Variants in GALK2 observed in about 807,000 individuals in gnomAD.
GALK2 encodes galactokinase 2.
A neutral mutation model predicts 52.4 loss-of-function variants in GALK2; 36 were observed. The observed-to-expected ratio is 0.69, with a 90% CI of 0.53 to 0.91. The LOEUF (loss-of-function observed/expected upper bound fraction) is 0.91. Ranked by LOEUF, GALK2 falls within the 40% of genes least tolerant of loss-of-function variation. The probability of loss-of-function intolerance (pLI) is 0.00; values close to 1 mark genes in which losing one functional copy is unlikely to be tolerated. For missense variants in GALK2, 579 were observed against 559.1 expected, an observed-to-expected ratio of 1.04 and a Z score of -0.36; for synonymous variants, 176 against 199.1, an observed-to-expected ratio of 0.88 and a Z score of 0.98.
chr15:49,345,944 G>A (rs2041415786), intron 3 of GALK2, among the ~76,000 whole-genome samples: 1 of 152,120 alleles, frequency 6.6e-6, no homozygotes, highest in Non-Finnish European at 1.5e-5. Context: ...TGGCCCAGGG[G>A]CAAATTTCGT....
At chr15:49,294,140 C>CAAATAAATAAATAAATAAAT (rs10677248) in intron 8 of GALK2, among the ~76,000 whole-genome samples, 19 of 139,864 alleles carry the variant, frequency 1.4e-4, no homozygotes, top group East Asian at 4.1e-4. Context: ...GACCCTGTCT[C>CAAATAAATAAATAAATAAAT]AAATAAATAA....
At chr15:49,348,790 ATATT>A (rs1313669223) in intron 3 of GALK2, among the ~76,000 whole-genome samples, 12 of 152,182 alleles carry the variant, frequency 7.9e-5, no homozygotes, top group African/African-American at 2.7e-4. Flanking sequence ...TTGACCAACA[ATATT>A]TATAGCAAGA....
At chr15:49,337,312 A>G (rs2039887632) in intron 3 of GALK2, among the ~76,000 whole-genome samples, 1 of 152,130 alleles carries the variant, frequency 6.6e-6, no homozygotes, top group African/African-American at 2.4e-5. Context: ...CCCACCAACA[A>G]TGTATAAGCT....
intron 5 of GALK2, among the ~76,000 whole-genome samples, chr15:49,269,962 A>G (rs1308012326): frequency 6.6e-6 from 1 of 152,210 alleles, no homozygotes; most frequent in African/African-American, 2.4e-5. Flanking sequence ...TAAGCCACAC[A>G]TCCACTGTTG....
At chr15:49,362,303 C>A (rs1299406659) in intron 3 of GALK2, among the ~76,000 whole-genome samples, 3 of 152,086 alleles carry the variant, frequency 2.0e-5, no homozygotes, top group Admixed American at 2.0e-4. Flanking sequence ...TATGGCACTT[C>A]CCCCTTCACT....
At chr15:49,305,290 A>G (rs2035455521) in intron 8 of GALK2, among the ~76,000 whole-genome samples, 1 of 152,220 alleles carries the variant, frequency 6.6e-6, no homozygotes, top group Non-Finnish European at 1.5e-5. Context: ...TAACAGTTTA[A>G]CCATATGAGA....
chr15:49,172,451 C>G (rs2085167496), intron 1 of GALK2, among the ~76,000 whole-genome samples: 1 of 152,160 alleles, frequency 6.6e-6, no homozygotes, highest in African/African-American at 2.4e-5. Flanking sequence ...GCCACTTACT[C>G]ATTCTAGGAG....
intron 8 of GALK2, among the ~76,000 whole-genome samples, chr15:49,301,953 A>T (rs764022165): frequency 1.3e-5 from 2 of 152,222 alleles, no homozygotes; most frequent in Non-Finnish European, 1.5e-5. Flanking sequence ...AACTTGTTAT[A>T]CACTTTATAG....
intron 3 of GALK2, among the ~76,000 whole-genome samples, chr15:49,234,939 G>C (rs2090716120): frequency 6.6e-6 from 1 of 152,014 alleles, no homozygotes; most frequent in South Asian, 2.1e-4. Context: ...GATAATTTTT[G>C]TGTTTTTAGT....
At chr15:49,339,816 C>G (rs2040396238) in intron 3 of GALK2, among the ~76,000 whole-genome samples, 1 of 152,146 alleles carries the variant, frequency 6.6e-6, no homozygotes, top group African/African-American at 2.4e-5. Flanking sequence ...TTCAGAGATG[C>G]CCTGCCCGTA....
At chr15:49,336,202 G>A (rs754850198), downstream of GALK2, among the ~76,000 whole-genome samples, 23 of 152,244 alleles carry the variant, frequency 1.5e-4, no homozygotes, top group Non-Finnish European at 3.2e-4. Context: ...CAGTTAGCCT[G>A]GCTTCTGCCA....
chr15:49,303,042 C>T (rs1285675280), intron 8 of GALK2, among the ~76,000 whole-genome samples: 14 of 151,964 alleles, frequency 9.2e-5, no homozygotes, highest in Admixed American at 7.2e-4. Context: ...TTTTCTTTCT[C>T]TCTCTGCCTG....
chr15:49,248,406 A>C (rs117750102), intron 5 of GALK2, among the ~76,000 whole-genome samples: 2,880 of 152,304 alleles, frequency 0.019, 47 homozygotes, highest in Middle Eastern at 0.031. Context: ...TTCCAGCCAG[A>C]TGTTGAGTGC....
At chr15:49,283,811 T>C (rs541701594) in intron 7 of GALK2, 93 bp downstream of exon 7, 1 of 1,313,544 alleles carries the variant, frequency 7.6e-7, no homozygotes, top group African/African-American at 1.5e-5. Context: ...TCCCCAAATT[T>C]TAGGGCAACA....
intron 5 of GALK2, among the ~76,000 whole-genome samples, chr15:49,265,928 C>T (rs928592805): frequency 6.6e-5 from 10 of 152,124 alleles, no homozygotes; most frequent in Non-Finnish European, 7.4e-5. Flanking sequence ...TCCTAAAATG[C>T]GAAGGAGGGT....
At chr15:49,234,926 C>T (rs1336798571) in intron 3 of GALK2, among the ~76,000 whole-genome samples, 2 of 152,228 alleles carry the variant, frequency 1.3e-5, no homozygotes, top group Admixed American at 1.3e-4. Context: ...ACCACCACAC[C>T]CAGATAATTT....
In GALK2 at chr15:49,170,378, G is replaced by C. The variant is rs773047978; in HGVS notation, c.53+3G>C. 14 of 1,588,232 alleles carry C rather than the reference G, an allele frequency of 8.8e-6. No homozygotes were observed. Among genetic ancestry groups the C allele is most frequent in the Middle Eastern group, 1.7e-4 (1 of 5,754 alleles). On this transcript the variant is annotated splice_donor_region_variant and intron_variant, in intron 1 of 9. Coordinates refer to ENST00000560031, the MANE Select transcript of GALK2 (RefSeq NM_002044.4). ...GTCCAGGTGGCAGAACATCCTAGGTGGGGGAGAGGAGACGCCGGGCTTTGG... is the reference window on the plus strand; with the variant it reads ...GTCCAGGTGGCAGAACATCCTAGGTCGGGGAGAGGAGACGCCGGGCTTTGG...
rs553202776 is a variant in GALK2, at chr15:49,170,480, G to C, written c.53+105G>C. The C allele has an allele frequency of 2.7e-5, 31 of 1,134,260 alleles. No homozygotes were observed. In the South Asian group the frequency reaches 4.2e-4, roughly 15 times the overall value. 70.3% of individuals were successfully genotyped at this position (1,134,260 alleles called of 1,614,324 possible). A position where few individuals can be genotyped will look rare whatever the true frequency, so the allele number is the denominator to read the frequency against. On this transcript the variant is annotated intron_variant, in intron 1 of 9. Transcript: ENST00000560031. ...CCTTGGGGCGCTGCTTTTGGTCCCG[G>C]GGAGCAAGTGGAACCCTTGGGATTC... is the stretch of plus-strand genomic sequence containing the variant.
intron 3 of GALK2, among the ~76,000 whole-genome samples, chr15:49,349,935 G>A (rs558878903): frequency 8.5e-5 from 13 of 152,172 alleles, no homozygotes; most frequent in African/African-American, 3.1e-4. Flanking sequence ...CAAAATGAGA[G>A]GGAGAATTTA....
Sources: allele counts gnomAD v4.1 joint callset (sites outside exome capture counted in the v4.1 genomes callset), GRCh38; gene constraint gnomAD v4.1.1; transcripts MANE v1.5; gene names NCBI Gene and HGNC (gene_info 2026-07-23, HGNC 2026-07-21).